USP47: variants seen among roughly 807,000 people sequenced by gnomAD.
The protein encoded by USP47 is ubiquitin specific peptidase 47.
A neutral mutation model predicts 165.1 loss-of-function variants in USP47; 35 were observed. The observed-to-expected ratio is 0.21, with a 90% CI of 0.16 to 0.28. The LOEUF (loss-of-function observed/expected upper bound fraction) is 0.28. Ranked by LOEUF, USP47 falls within the 10% of genes least tolerant of loss-of-function variation. The probability of loss-of-function intolerance (pLI) is 1.00; values close to 1 mark genes in which losing one functional copy is unlikely to be tolerated. For synonymous variants in USP47, 531 were observed against 544.5 expected (o/e 0.98, Z 0.35); for missense variants, 1,277 against 1,607.4 (o/e 0.79, Z 3.52).
At chr11:11,905,837 T>A (rs1447841105) in intron 8 of USP47, among the ~76,000 whole-genome samples, 4 of 144,586 alleles carry the variant, frequency 2.8e-5, no homozygotes, top group Admixed American at 7.0e-5. Flanking sequence ...TTTTTTTTTT[T>A]ACCTCTAAAC....
In USP47 at chr11:11,902,793, A is replaced by T; in HGVS notation, c.672A>T (p.Gln224His). 6.2e-7 allele frequency: 1 copy of T among 1,604,190 alleles called. No individual in the cohort carries two copies. The highest frequency in any genetic ancestry group is 8.5e-7 in the Non-Finnish European group (1 of 1,174,534). The change falls in exon 6 of 28, where the codon CAA (glutamine) becomes CAT (histidine). Residue 224 changes from glutamine (Q) to histidine (H), a missense_variant. Transcript: ENST00000527733. ...TTCAAAGGCTTTTTGTTTTGTTACA[A>T]ACCAGCAAAAAGAGAGCAATTGAAA... is the stretch of plus-strand genomic sequence containing the variant. The part of the protein sequence containing the change: ...YQLQRLFVLL[Q>H]TSKKRAIETT...
chr11:11,848,939 G>GATTTTTCAGTTTAAGAT, intron 1 of USP47, among the ~76,000 whole-genome samples: 1 of 150,666 alleles, frequency 6.6e-6, no homozygotes, highest in South Asian at 2.1e-4. Flanking sequence ...GTTACTTCTT[G>GATTTTTCAGTTTAAGAT]ATTTTTCAGT....
chr11:11,914,069 A>G (rs1344926690), intron 8 of USP47, among the ~76,000 whole-genome samples: 1 of 152,108 alleles, frequency 6.6e-6, no homozygotes, highest in Admixed American at 6.6e-5. Flanking sequence ...AAGAAACTAG[A>G]ATAGCTAAGA....
intron 1 of USP47, among the ~76,000 whole-genome samples, chr11:11,864,937 G>A (rs1849586972): frequency 6.6e-6 from 1 of 152,032 alleles, no homozygotes; most frequent in Non-Finnish European, 1.5e-5. Flanking sequence ...ATTCTGGGTT[G>A]ACAGCTCTTC....
chr11:11,933,444 T>A (rs1854824092), intron 15 of USP47, among the ~76,000 whole-genome samples: 1 of 152,160 alleles, frequency 6.6e-6, no homozygotes, highest in South Asian at 2.1e-4. Flanking sequence ...TCATATTTTT[T>A]AATATAATTT....
Position 11,892,380 on chromosome 11 carries a change from C to CTTTTTTTTTTTTTTTTTT in USP47, c.496+276_496+293dup, listed in dbSNP as rs1300802562. On this transcript the variant is annotated intron_variant, in intron 4 of 27. Transcript: ENST00000527733. ...AGACTTTTCTTTTCTTTTTAATTTTCTTTTTTTTTTTTTTTTTTTGAGACA... is the reference window on the plus strand; with the variant it reads ...AGACTTTTCTTTTCTTTTTAATTTTCTTTTTTTTTTTTTTTTTTTTTTTTTTTTTTTTTTTTTGAGACA... Among the ~76,000 whole-genome samples the CTTTTTTTTTTTTTTTTTT allele has an allele frequency of 3.1e-4, 38 of 121,142 alleles. 3 individuals carry two copies. The highest frequency in any genetic ancestry group is 4.7e-4 in the East Asian group (2 of 4,242). The allele number at this position is 121,142 out of a possible 152,430, so 79.5% of individuals were successfully genotyped here. A position where few individuals can be genotyped will look rare whatever the true frequency, so the allele number is the denominator to read the frequency against.
intron 22 of USP47, chr11:11,949,185 C>G (rs1278879194): frequency 6.6e-6 from 1 of 152,116 alleles, no homozygotes; most frequent in Non-Finnish European, 1.5e-5. Flanking sequence ...GGTGAATGAT[C>G]TAAACAGGCC....
chr11:11,953,406 T>TA, intron 25 of USP47, among the ~76,000 whole-genome samples: 1 of 151,984 alleles, frequency 6.6e-6, no homozygotes, highest in African/African-American at 2.4e-5. Context: ...AGTTTATATA[T>TA]AAAAAAAGTA....
At chr11:11,923,041 C>CATATATATATATATAT (rs56976706) in intron 11 of USP47, 150 bp downstream of exon 11, 1 of 139,836 alleles carries the variant, frequency 7.2e-6, no homozygotes, top group Non-Finnish European at 1.4e-5. Flanking sequence ...TTTTTTTGTA[C>CATATATATATATATAT]ATATATATAT....
Position 11,875,043 on chromosome 11 carries a change from G to A in USP47, c.40-5134G>A, listed in dbSNP as rs796537188. Among the ~76,000 whole-genome samples, 840 of 103,006 alleles carry A rather than the reference G, an allele frequency of 8.2e-3. 10 individuals are homozygous for A. The highest frequency in any genetic ancestry group is 0.022 in the African/African-American group (728 of 33,830). The allele number at this position is 103,006 out of a possible 152,430, so 67.6% of individuals were successfully genotyped here. On this transcript the variant is annotated intron_variant, in intron 1 of 27. Coordinates refer to ENST00000527733, the MANE Select transcript of USP47 (RefSeq NM_001282659.2). ...GAGAAAATTGACTTATTGTGTGTGT[G>A]TGTGTGTGTGTGTGTGTGTGTGTGT...
chr11:11,860,280 C>T (rs1404313354), intron 1 of USP47, among the ~76,000 whole-genome samples: 2 of 151,558 alleles, frequency 1.3e-5, no homozygotes, highest in Non-Finnish European at 2.9e-5. Flanking sequence ...TACCACTGAG[C>T]GGAGGATATA....
At chr11:11,904,978 A>G (rs539673905) in intron 7 of USP47, among the ~76,000 whole-genome samples, 1 of 152,182 alleles carries the variant, frequency 6.6e-6, no homozygotes, top group African/African-American at 2.4e-5. Context: ...AACTCAACCA[A>G]TTGTTTAGCT....
rs1856308876 is a variant in USP47, at chr11:11,952,836, T to C, written c.3679T>C (p.Leu1227=). The change falls in exon 25 of 28, where the codon TTG becomes CTG. Residue 1227 remains leucine (L), a synonymous_variant. Coordinates refer to ENST00000527733, the MANE Select transcript of USP47 (RefSeq NM_001282659.2). ...MKLDPFQEVV[L]ESSSVDELRE... Reference sequence around the variant, plus strand: ...GTTGGATCCCTTCCAGGAGGTTGTATTGGAAAGCAGTAGTGTGGACGAATT... The same window carrying C: ...GTTGGATCCCTTCCAGGAGGTTGTACTGGAAAGCAGTAGTGTGGACGAATT... 2 of 1,612,188 alleles carry C rather than the reference T, an allele frequency of 1.2e-6. No individual in the cohort carries two copies. The highest frequency in any genetic ancestry group is 2.2e-5 in the South Asian group (2 of 90,958).
chr11:11,900,451 C>T (rs565074813), intron 5 of USP47, among the ~76,000 whole-genome samples: 73 of 152,286 alleles, frequency 4.8e-4, no homozygotes, highest in Non-Finnish European at 8.5e-4. Flanking sequence ...TGAGCCACCG[C>T]GCCCGGCCTA....
intron 24 of USP47, chr11:11,950,878 A>T (rs1856173353): frequency 6.5e-6 from 1 of 153,268 alleles, no homozygotes; most frequent in African/African-American, 2.4e-5. Flanking sequence ...CTCTGCTAAT[A>T]TTTTCTTAGC....
chr11:11,915,694 G>C (rs1420037314), intron 8 of USP47, among the ~76,000 whole-genome samples: 2 of 152,066 alleles, frequency 1.3e-5, no homozygotes, highest in Non-Finnish European at 2.9e-5. Flanking sequence ...AAAGTAGACA[G>C]CTTAGGTAAA....
chr11:11,874,107 G>T (rs1195303427), intron 1 of USP47, among the ~76,000 whole-genome samples: 2 of 151,942 alleles, frequency 1.3e-5, no homozygotes, highest in Non-Finnish European at 2.9e-5. Context: ...TATGATGTTG[G>T]GTATGATAGT....
At chr11:11,883,948 T>A (rs566646448) in intron 2 of USP47, among the ~76,000 whole-genome samples, 1 of 152,356 alleles carries the variant, frequency 6.6e-6, no homozygotes, top group Non-Finnish European at 1.5e-5. Context: ...GGCTATATTA[T>A]ATACTACATT....
intron 11 of USP47, among the ~76,000 whole-genome samples, chr11:11,924,832 G>A (rs1246707758): frequency 6.6e-6 from 1 of 151,780 alleles, no homozygotes; most frequent in Non-Finnish European, 1.5e-5. Flanking sequence ...TCGGATACTG[G>A]CAATTTGTGT....
Sources: gnomAD v4.1 joint callset for allele counts (sites outside exome capture counted in the v4.1 genomes callset) on GRCh38, gnomAD v4.1.1 for gene constraint, MANE v1.5 for transcripts, NCBI Gene and HGNC (gene_info 2026-07-23, HGNC 2026-07-21) for gene names.